The following TNIK variants were observed in gnomAD, a reference collection of about 807,000 sequenced individuals.
TNIK encodes TRAF2 and NCK interacting kinase.
In TNIK, 49 loss-of-function variants were observed where a neutral mutation model predicts 191.3. The ratio of observed to expected loss-of-function variants is 0.26; its 90% CI spans 0.20 to 0.32. The LOEUF (loss-of-function observed/expected upper bound fraction) is 0.32. Ranked by LOEUF, TNIK falls within the 10% of genes least tolerant of loss-of-function variation. The probability of loss-of-function intolerance (pLI) is 1.00; values close to 1 mark genes in which losing one functional copy is unlikely to be tolerated. For synonymous variants in TNIK, 594 were observed against 600.9 expected (o/e 0.99, Z 0.17); for missense variants, 1,155 against 1,702.3 (o/e 0.68, Z 5.66).
chr3:171,330,277 T>A (rs772175883), intron 2 of TNIK, among the ~76,000 whole-genome samples: 5 of 152,062 alleles, frequency 3.3e-5, no homozygotes, highest in Non-Finnish European at 7.4e-5. Flanking sequence ...AGAAAAAAAA[T>A]ATTTTCGGCT....
At chr3:171,064,072 G>A in intron 32 of TNIK, 108 bp from the exon 33 acceptor site, 4 of 986,994 alleles carry the variant, frequency 4.1e-6, no homozygotes, top group South Asian at 1.6e-5. Flanking sequence ...CATGTGTCAG[G>A]TCTTAAGACT....
chr3:171,305,221 T>C (rs1358997119), intron 2 of TNIK, among the ~76,000 whole-genome samples: 2 of 152,106 alleles, frequency 1.3e-5, no homozygotes, highest in Non-Finnish European at 2.9e-5. Context: ...TATTTGTTTC[T>C]TTCATTTTCT....
intron 21 of TNIK, among the ~76,000 whole-genome samples, chr3:171,103,329 A>G (rs1176177746): frequency 1.3e-5 from 2 of 152,210 alleles, no homozygotes; most frequent in Non-Finnish European, 2.9e-5. Flanking sequence ...GAGGAAAACC[A>G]TAACATAGGT....
At chr3:171,374,216 C>T (rs990678932) in intron 1 of TNIK, among the ~76,000 whole-genome samples, 12 of 152,202 alleles carry the variant, frequency 7.9e-5, no homozygotes, top group South Asian at 4.2e-4. Flanking sequence ...ACCACTGTGC[C>T]CTCTATCCTC....
At chr3:171,300,114 C>G (rs1752722074) in intron 2 of TNIK, among the ~76,000 whole-genome samples, 1 of 152,210 alleles carries the variant, frequency 6.6e-6, no homozygotes, top group Non-Finnish European at 1.5e-5. Context: ...TAGATGCAAA[C>G]TCAAAGTTCT....
intron 12 of TNIK, among the ~76,000 whole-genome samples, chr3:171,153,707 G>T (rs1732775369): frequency 6.6e-6 from 1 of 152,156 alleles, no homozygotes; most frequent in African/African-American, 2.4e-5. Flanking sequence ...ACTCTTCTTA[G>T]AATAAAATTC....
chr3:171,061,683 A>G lies in TNIK; in HGVS notation c.*2198T>C, dbSNP rs1193340722. 6.6e-6 allele frequency: 1 copy of G among 152,236 alleles called. No individual in the cohort carries two copies. Among genetic ancestry groups the G allele is most frequent in the Non-Finnish European group, 1.5e-5 (1 of 68,040 alleles). 9.4% of individuals were successfully genotyped at this position (152,236 alleles called of 1,614,324 possible). The stretch of plus-strand genomic sequence containing the variant: ...TCTGGTTTAAAATACCACAGCAGCA[A>G]TATAAAGAGCTGGTGGCAATCACAT... On this transcript the variant is annotated 3_prime_UTR_variant, in exon 33 of 33. Coordinates refer to ENST00000436636, the MANE Select transcript of TNIK (RefSeq NM_015028.4).
At chr3:171,138,161 A>G (rs1392396704) in intron 15 of TNIK, 30 bp downstream of exon 15, 1 of 1,528,380 alleles carries the variant, frequency 6.5e-7, no homozygotes, top group Admixed American at 2.2e-5. Flanking sequence ...AAGCCTGGCC[A>G]ACAGGGTGAG....
At chr3:171,175,661 A>G (rs1040165201) in intron 8 of TNIK, among the ~76,000 whole-genome samples, 4 of 152,250 alleles carry the variant, frequency 2.6e-5, no homozygotes, top group African/African-American at 7.2e-5. Flanking sequence ...AGTAAATACC[A>G]TCAGATGACA....
chr3:171,122,987 A>G (rs142957234), intron 18 of TNIK, among the ~76,000 whole-genome samples: 26 of 152,350 alleles, frequency 1.7e-4, no homozygotes, highest in African/African-American at 6.3e-4. Flanking sequence ...AGGAATGTAC[A>G]TTATTGATAG....
chr3:171,311,932 C>G (rs1920108), intron 2 of TNIK, among the ~76,000 whole-genome samples: 2 of 151,414 alleles, frequency 1.3e-5, no homozygotes, highest in South Asian at 4.2e-4. Context: ...CAAACATACA[C>G]GCAAGGTCAG....
In TNIK at chr3:171,145,748, T is replaced by C. The variant is rs78708370; in HGVS notation, c.1222-5239A>G. On this transcript the variant is annotated intron_variant, in intron 12 of 32. Coordinates refer to ENST00000436636, the MANE Select transcript of TNIK (RefSeq NM_015028.4). Reference sequence around the variant, plus strand: ...TTTTAAGAGATAATCCTCATGCATATTCCTCACAAGGGCTGTGGAGTCAGT... The same window carrying C: ...TTTTAAGAGATAATCCTCATGCATACTCCTCACAAGGGCTGTGGAGTCAGT... 2.2e-3 allele frequency among the ~76,000 whole-genome samples: 328 copies of C among 152,080 alleles called. 1 individual carries two copies. The East Asian group carries it at 0.031, about 14-fold the overall frequency.
At chr3:171,361,437 A>C (rs769232052) in intron 2 of TNIK, among the ~76,000 whole-genome samples, 1 of 152,148 alleles carries the variant, frequency 6.6e-6, no homozygotes, top group Admixed American at 6.5e-5. Context: ...TCTTCCCTCC[A>C]TGTTCACATG....
intron 28 of TNIK, among the ~76,000 whole-genome samples, chr3:171,078,799 A>T (rs954041852): frequency 6.6e-6 from 1 of 152,124 alleles, no homozygotes; most frequent in Non-Finnish European, 1.5e-5. Context: ...CATTTCTTAC[A>T]TTCTCTTCCC....
intron 4 of TNIK, among the ~76,000 whole-genome samples, chr3:171,203,782 G>C (rs986580600): frequency 4.6e-5 from 7 of 152,162 alleles, no homozygotes; most frequent in African/African-American, 1.7e-4. Flanking sequence ...CAGATTCCCA[G>C]GCTGTCAGAA....
intron 10 of TNIK, among the ~76,000 whole-genome samples, chr3:171,164,860 C>T (rs1344721184): frequency 6.6e-6 from 1 of 152,220 alleles, no homozygotes. Context: ...CTTGGGCTGG[C>T]CTCCCAGCTC....
chr3:171,335,850 T>TC (rs1756903762), intron 2 of TNIK, among the ~76,000 whole-genome samples: 1 of 152,212 alleles, frequency 6.6e-6, no homozygotes, highest in Admixed American at 6.5e-5. Flanking sequence ...GAAAGTGCTT[T>TC]CTAAAGTGGC....
At chr3:171,424,147 A>G (rs1724216271) in intron 1 of TNIK, among the ~76,000 whole-genome samples, 1 of 152,204 alleles carries the variant, frequency 6.6e-6, no homozygotes, top group Non-Finnish European at 1.5e-5. Flanking sequence ...GAAAAAACAA[A>G]CAACCCCATC....
intron 2 of TNIK, among the ~76,000 whole-genome samples, chr3:171,228,663 C>T (rs754795302): frequency 6.6e-6 from 1 of 152,156 alleles, no homozygotes; most frequent in Non-Finnish European, 1.5e-5. Context: ...TGCTATAATT[C>T]ACCTGAGATT....
Sources: gnomAD v4.1 joint callset for allele counts (sites outside exome capture counted in the v4.1 genomes callset) on GRCh38, gnomAD v4.1.1 for gene constraint, MANE v1.5 for transcripts, NCBI Gene and HGNC (gene_info 2026-07-23, HGNC 2026-07-21) for gene names.